PPP1R12B: variants seen among roughly 807,000 people sequenced by gnomAD.
The protein encoded by PPP1R12B is protein phosphatase 1 regulatory subunit 12B, also known as myosin phosphatase target subunit 2.
Under a neutral mutation model 126.1 loss-of-function variants are expected in PPP1R12B, and 76 were observed. The ratio of observed to expected loss-of-function variants is 0.60; its 90% CI spans 0.50 to 0.73. PPP1R12B has a LOEUF of 0.73. PPP1R12B is among the 30% of genes least tolerant of loss of function. PPP1R12B has a pLI of 0.00. For synonymous variants in PPP1R12B, 356 were observed against 434.7 expected (o/e 0.82, Z 2.25); for missense variants, 1,052 against 1,205.1 (o/e 0.87, Z 1.88).
chr1:202,554,742 T>C (rs564681682), intron 18 of PPP1R12B, among the ~76,000 whole-genome samples: 36 of 151,894 alleles, frequency 2.4e-4, no homozygotes, highest in African/African-American at 8.2e-4. Context: ...AAAAAGAAAT[T>C]GTTAACAAGG....
chr1:202,366,323 A>G (rs1157014630), intron 1 of PPP1R12B, among the ~76,000 whole-genome samples: 1 of 152,012 alleles, frequency 6.6e-6, no homozygotes, highest in African/African-American at 2.4e-5. Context: ...GTCCGAGACC[A>G]GCTTGGCCAA....
chr1:202,466,562 C>T (rs928848906), intron 13 of PPP1R12B, among the ~76,000 whole-genome samples: 11 of 152,048 alleles, frequency 7.2e-5, no homozygotes, highest in African/African-American at 2.4e-4. Context: ...ATTGCTGCAG[C>T]TAGCACTCAG....
intron 13 of PPP1R12B, among the ~76,000 whole-genome samples, chr1:202,479,573 C>T (rs538350932): frequency 1.2e-4 from 18 of 152,266 alleles, no homozygotes; most frequent in African/African-American, 3.4e-4. Flanking sequence ...GAGAGCCTAG[C>T]GGATACCCCA....
At position 202,348,777 on chromosome 1, in the gene PPP1R12B, G is replaced by T; in HGVS notation, c.-75G>T. On this transcript the variant is annotated 5_prime_UTR_variant, in exon 1 of 24. The change creates a new upstream start codon in the 5' untranslated region. Coordinates refer to ENST00000608999, the MANE Select transcript of PPP1R12B (RefSeq NM_002481.4). ...CTCCGGGCTGAAGCGCTCTGAGAGA[G>T]GCGGCAGCGGCAACTCGAGCCCCAA... 4.0e-6 allele frequency: 6 copies of T among 1,502,412 alleles called. No individual in the cohort carries two copies. Among genetic ancestry groups the T allele is most frequent in the Non-Finnish European group, 5.3e-6 (6 of 1,127,914 alleles). The allele number at this position is 1,502,412 out of a possible 1,614,324, so 93.1% of individuals were successfully genotyped here.
intron 18 of PPP1R12B, among the ~76,000 whole-genome samples, chr1:202,525,867 T>C (rs1420249141): frequency 1.3e-5 from 2 of 152,180 alleles, no homozygotes; most frequent in African/African-American, 4.8e-5. Context: ...CTTGCTAATA[T>C]TTTGTAGTTT....
In PPP1R12B at chr1:202,495,293, C is replaced by A; in HGVS notation, c.2146C>A (p.Pro716Thr). 5 of 1,550,272 alleles carry A rather than the reference C, an allele frequency of 3.2e-6. No homozygotes were observed. The highest frequency in any genetic ancestry group is 1.3e-5 in the South Asian group (1 of 78,374). Residue 716 changes from proline to threonine, a missense_variant and splice_region_variant, in exon 16 of 24, where the codon CCT (proline) becomes ACT (threonine). Pro to Thr is a conservative substitution (Grantham distance 38, BLOSUM62 -1). Coordinates refer to ENST00000608999, the MANE Select transcript of PPP1R12B (RefSeq NM_002481.4). ...ATCTCATATTGTGGATTATTTCCAG[C>A]CTATCTGTCATCGCCTGAGGTGCCC... ...QPWGRSLDEEPICHRLRCPAQ... is the reference protein window; with the variant it reads ...QPWGRSLDEETICHRLRCPAQ...
At chr1:202,462,998 C>G (rs1307643457) in intron 13 of PPP1R12B, 8 of 985,298 alleles carry the variant, frequency 8.1e-6, no homozygotes, top group East Asian at 2.3e-4. Flanking sequence ...TGAGACAAGC[C>G]TCTGCCATAG....
At chr1:202,466,420 A>G (rs1371043899) in intron 13 of PPP1R12B, among the ~76,000 whole-genome samples, 2 of 150,040 alleles carry the variant, frequency 1.3e-5, no homozygotes, top group African/African-American at 4.9e-5. Context: ...GCTCACTTCT[A>G]CCTTTTCTGA....
chr1:202,518,641 G>A (rs959553999), intron 18 of PPP1R12B, among the ~76,000 whole-genome samples: 33 of 152,220 alleles, frequency 2.2e-4, no homozygotes, highest in Non-Finnish European at 1.5e-5. Flanking sequence ...CAAAGTGTTA[G>A]CAGTGGTTGT....
chr1:202,378,615 G>C (rs557006184), intron 1 of PPP1R12B, among the ~76,000 whole-genome samples: 1 of 152,168 alleles, frequency 6.6e-6, no homozygotes, highest in African/African-American at 2.4e-5. Context: ...GAGTAGCTGG[G>C]ATTACAGGCA....
intron 18 of PPP1R12B, among the ~76,000 whole-genome samples, chr1:202,537,526 A>G (rs1282426548): frequency 1.3e-5 from 2 of 152,214 alleles, no homozygotes; most frequent in Non-Finnish European, 2.9e-5. Context: ...AGGTGAGATA[A>G]TATATGTTAA....
At chr1:202,437,350 G>C (rs1053331012) in intron 9 of PPP1R12B, among the ~76,000 whole-genome samples, 1 of 151,986 alleles carries the variant, frequency 6.6e-6, no homozygotes, top group Admixed American at 6.6e-5. Flanking sequence ...AAAAATAAAA[G>C]ATAAATTAGC....
At chr1:202,358,195 T>G (rs1223483982) in intron 1 of PPP1R12B, among the ~76,000 whole-genome samples, 1 of 152,174 alleles carries the variant, frequency 6.6e-6, no homozygotes. Context: ...GATTGCTAAT[T>G]GAGTGCTTGC....
chr1:202,478,579 TATTC>T (rs1275499410), intron 13 of PPP1R12B, among the ~76,000 whole-genome samples: 2 of 152,170 alleles, frequency 1.3e-5, no homozygotes, highest in Non-Finnish European at 2.9e-5. Flanking sequence ...ATATGTGTGA[TATTC>T]ATAGTATATA....
chr1:202,537,168 G>A (rs1684628513), intron 18 of PPP1R12B, among the ~76,000 whole-genome samples: 1 of 152,106 alleles, frequency 6.6e-6, no homozygotes, highest in Non-Finnish European at 1.5e-5. Context: ...CTAACATGGT[G>A]AAACCCTGTC....
chr1:202,433,930 A>G (rs536127642), intron 8 of PPP1R12B, among the ~76,000 whole-genome samples: 1 of 152,354 alleles, frequency 6.6e-6, no homozygotes, highest in East Asian at 1.9e-4. Context: ...CATAACAGGC[A>G]TTCACATTCA....
chr1:202,520,185 TG>T (rs1394013559), intron 18 of PPP1R12B, among the ~76,000 whole-genome samples: 3 of 152,258 alleles, frequency 2.0e-5, no homozygotes, highest in African/African-American at 7.2e-5. Flanking sequence ...CATTAGAAGT[TG>T]TTCTAGCCCA....
intron 18 of PPP1R12B, among the ~76,000 whole-genome samples, chr1:202,519,112 T>G (rs1156862430): frequency 1.3e-5 from 2 of 152,182 alleles, no homozygotes; most frequent in African/African-American, 4.8e-5. Context: ...CCTTCAGACC[T>G]ATAAAATCTG....
At chr1:202,498,870 G>A (rs1479485478) in intron 18 of PPP1R12B, among the ~76,000 whole-genome samples, 1 of 152,088 alleles carries the variant, frequency 6.6e-6, no homozygotes, top group Non-Finnish European at 1.5e-5. Flanking sequence ...TCCTTTCTTG[G>A]TTTTTAGTTC....
Sources: gnomAD v4.1 joint callset for allele counts (sites outside exome capture counted in the v4.1 genomes callset) on GRCh38, gnomAD v4.1.1 for gene constraint, MANE v1.5 for transcripts, NCBI Gene and HGNC (gene_info 2026-07-23, HGNC 2026-07-21) for gene names.